Variants in BRAF observed in about 807,000 individuals in gnomAD.
BRAF encodes B-Raf proto-oncogene, serine/threonine kinase, also known as serine/threonine-protein kinase B-raf.
In BRAF, 16 loss-of-function variants were observed where a neutral mutation model predicts 104.6. That is an observed-to-expected ratio of 0.15 (90% CI 0.10 to 0.23). BRAF has a LOEUF of 0.23. BRAF is among the 10% of genes least tolerant of loss of function. BRAF has a pLI of 1.00. For synonymous variants in BRAF, 310 were observed against 341.6 expected (o/e 0.91, Z 1.02); for missense variants, 541 against 937.3 (o/e 0.58, Z 5.52).
chr7:140,823,847 C>T (rs762461873), intron 3 of BRAF: 12 of 152,110 alleles, frequency 7.9e-5, no homozygotes, highest in South Asian at 2.1e-4. Context: ...GTCTGATAGC[C>T]GACATCCTAA....
intron 1 of BRAF, among the ~76,000 whole-genome samples, chr7:140,914,527 C>T (rs73165481): frequency 7.6e-4 from 116 of 152,262 alleles, no homozygotes; most frequent in Non-Finnish European, 1.2e-3. Context: ...TTGATGTTCT[C>T]TGACACTATT....
At chr7:140,771,363 T>C (rs1031773464) in intron 14 of BRAF, among the ~76,000 whole-genome samples, 1 of 151,564 alleles carries the variant, frequency 6.6e-6, no homozygotes, top group African/African-American at 2.4e-5. Flanking sequence ...ATCCAGCTAA[T>C]TTTTGTATTT....
rs184523036 is a variant in BRAF, at chr7:140,895,904, G to A, written c.138+28662C>T. On this transcript the variant is annotated intron_variant, in intron 1 of 19. Transcript: ENST00000644969. Reference sequence around the variant, plus strand: ...AACATGGGGATGCAAATGTCTCTTCGACGTACTGACTTCCCTTCCTTTGGG... The same window carrying A: ...AACATGGGGATGCAAATGTCTCTTCAACGTACTGACTTCCCTTCCTTTGGG... Among the ~76,000 whole-genome samples, 539 of 152,084 alleles carry A rather than the reference G, an allele frequency of 3.5e-3. 4 individuals are homozygous for A. Among genetic ancestry groups the A allele is most frequent in the Middle Eastern group, 6.8e-3 (2 of 294 alleles).
At chr7:140,761,136 C>G (rs372788149) in intron 14 of BRAF, among the ~76,000 whole-genome samples, 53 of 152,156 alleles carry the variant, frequency 3.5e-4, no homozygotes, top group Middle Eastern at 3.4e-3. Flanking sequence ...GGCAGCCAGA[C>G]AGAAAGGTCG....
chr7:140,835,794 C>T (rs897419908), intron 2 of BRAF: 1 of 152,094 alleles, frequency 6.6e-6, no homozygotes, highest in Non-Finnish European at 1.5e-5. Flanking sequence ...TTGGTAATCC[C>T]CTCACTCACA....
chr7:140,922,934 C>T (rs1020114000), intron 1 of BRAF, among the ~76,000 whole-genome samples: 1 of 152,054 alleles, frequency 6.6e-6, no homozygotes, highest in African/African-American at 2.4e-5. Flanking sequence ...TAGAGAAGAG[C>T]TTTCTCCTTA....
At chr7:140,876,796 T>A (rs911561211) in intron 1 of BRAF, among the ~76,000 whole-genome samples, 1 of 149,396 alleles carries the variant, frequency 6.7e-6, no homozygotes, top group African/African-American at 2.6e-5. Context: ...ATCCACCTGA[T>A]CTGATTGATA....
chr7:140,727,797 A>G (rs1471994215), intron 19 of BRAF, among the ~76,000 whole-genome samples: 1 of 151,430 alleles, frequency 6.6e-6, no homozygotes. Context: ...ATTTTTTTGT[A>G]TTTTTAGTAG....
chr7:140,797,023 C>A (rs111365934), intron 7 of BRAF, among the ~76,000 whole-genome samples: 1,827 of 152,088 alleles, frequency 0.012, 35 homozygotes, highest in African/African-American at 0.041. Context: ...AATTACATTA[C>A]CATACTGGGA....
chr7:140,871,020 G>T (rs1440308966), intron 1 of BRAF, among the ~76,000 whole-genome samples: 2 of 152,028 alleles, frequency 1.3e-5, no homozygotes, highest in African/African-American at 4.8e-5. Context: ...AAGGTCAGGA[G>T]ATCGAGACCA....
At chr7:140,903,599 A>G (rs1329718852) in intron 1 of BRAF, among the ~76,000 whole-genome samples, 3 of 152,184 alleles carry the variant, frequency 2.0e-5, no homozygotes, top group African/African-American at 7.2e-5. Context: ...GACTTTCAAC[A>G]TTCCTTATTT....
At chr7:140,813,296 G>T (rs182353660) in intron 3 of BRAF, among the ~76,000 whole-genome samples, 3 of 152,138 alleles carry the variant, frequency 2.0e-5, no homozygotes, top group Non-Finnish European at 4.4e-5. Flanking sequence ...ATGAAAACAT[G>T]TTCAGTCTCA....
intron 17 of BRAF, chr7:140,747,269 C>T: frequency 3.8e-6 from 2 of 521,368 alleles, no homozygotes; most frequent in Non-Finnish European, 5.2e-6. Context: ...CTTTTACCTC[C>T]TTCTTCTCCA....
In BRAF at chr7:140,742,359, T is replaced by A. The variant is rs373075502; in HGVS notation, c.2113-2413A>T. On this transcript the variant is annotated intron_variant, in intron 17 of 19. Coordinates refer to ENST00000644969, the MANE Select transcript of BRAF (RefSeq NM_001374258.1). The stretch of plus-strand genomic sequence containing the variant: ...GGTGCACACCACCATGCCTGGCTAA[T>A]GTTTCCATTTTTTTAGTAGAGATGG... Among the ~76,000 whole-genome samples the A allele has an allele frequency of 1.1e-4, 17 of 152,032 alleles. No individual in the cohort carries two copies. In the South Asian group the frequency reaches 1.9e-3, roughly 17 times the overall value.
chr7:140,904,526 C>G (rs533677532), intron 1 of BRAF, among the ~76,000 whole-genome samples: 2 of 152,208 alleles, frequency 1.3e-5, no homozygotes, highest in South Asian at 4.1e-4. Flanking sequence ...TAAGATATAT[C>G]AAGTTGTGGA....
At chr7:140,748,531 A>C (rs1797533882) in intron 17 of BRAF, among the ~76,000 whole-genome samples, 1 of 152,194 alleles carries the variant, frequency 6.6e-6, no homozygotes, top group South Asian at 2.1e-4. Context: ...ATCAGAGTTT[A>C]TGTGGTCAAC....
intron 14 of BRAF, among the ~76,000 whole-genome samples, chr7:140,757,237 C>G (rs1180071787): frequency 6.6e-6 from 1 of 152,016 alleles, no homozygotes; most frequent in Non-Finnish European, 1.5e-5. Context: ...TTGAATTGCT[C>G]CTATAAAACA....
intron 5 of BRAF, among the ~76,000 whole-genome samples, chr7:140,806,525 G>A (rs967312413): frequency 1.3e-5 from 2 of 152,102 alleles, no homozygotes; most frequent in African/African-American, 4.8e-5. Flanking sequence ...CTGTGGCAAG[G>A]ACCTTCCTGA....
intron 5 of BRAF, among the ~76,000 whole-genome samples, chr7:140,802,020 AT>A (rs1333459032): frequency 1.3e-5 from 2 of 152,204 alleles, no homozygotes; most frequent in African/African-American, 4.8e-5. Context: ...TAATAAAAAT[AT>A]TGGGGGAGAG....
Sources: allele counts gnomAD v4.1 joint callset (sites outside exome capture counted in the v4.1 genomes callset), GRCh38; gene constraint gnomAD v4.1.1; transcripts MANE v1.5; gene names NCBI Gene and HGNC (gene_info 2026-07-23, HGNC 2026-07-21).